Variants in MYO3B observed in about 807,000 individuals in gnomAD.
MYO3B encodes the protein myosin-IIIb.
Under a neutral mutation model 174.6 loss-of-function variants are expected in MYO3B, and 156 were observed. The observed-to-expected ratio is 0.89, with a 90% CI of 0.78 to 1.02. The LOEUF (loss-of-function observed/expected upper bound fraction) is 1.02. MYO3B is among the 50% of genes least tolerant of loss of function. MYO3B has a pLI of 0.00. For synonymous variants in MYO3B, 563 were observed against 569.1 expected, an observed-to-expected ratio of 0.99 and a Z score of 0.15; for missense variants, 1,632 against 1,639.4, an observed-to-expected ratio of 1.00 and a Z score of 0.08.
At chr2:170,304,848 C>T (rs1397337894) in intron 7 of MYO3B, among the ~76,000 whole-genome samples, 1 of 151,544 alleles carries the variant, frequency 6.6e-6, no homozygotes, top group Non-Finnish European at 1.5e-5. Context: ...TGTTATGTCA[C>T]AGGTATTTTT....
intron 30 of MYO3B, among the ~76,000 whole-genome samples, chr2:170,531,777 G>A (rs970404297): frequency 5.9e-5 from 9 of 151,988 alleles, no homozygotes; most frequent in African/African-American, 2.2e-4. Flanking sequence ...ATGAGTCCAT[G>A]TGGATGGATG....
At chr2:170,445,464 C>G (rs1041712298) in intron 23 of MYO3B, among the ~76,000 whole-genome samples, 1 of 152,082 alleles carries the variant, frequency 6.6e-6, no homozygotes, top group African/African-American at 2.4e-5. Context: ...GCCTCAGCCT[C>G]CTGAGTAGCT....
At chr2:170,590,105 A>G (rs749137984) in intron 32 of MYO3B, among the ~76,000 whole-genome samples, 13 of 152,236 alleles carry the variant, frequency 8.5e-5, no homozygotes, top group Admixed American at 2.0e-4. Flanking sequence ...CACAATAACA[A>G]AATCACCTAA....
At chr2:170,382,947 T>C (rs2094346308) in intron 10 of MYO3B, 126 bp from the exon 11 acceptor site, 1 of 657,538 alleles carries the variant, frequency 1.5e-6, no homozygotes, top group Non-Finnish European at 2.7e-6. Flanking sequence ...CATTGTATGA[T>C]TTAAATGGAC....
At chr2:170,409,221 G>T (rs115115073) in intron 22 of MYO3B, among the ~76,000 whole-genome samples, 2,155 of 152,288 alleles carry the variant, frequency 0.014, 70 homozygotes, top group African/African-American at 0.049. Flanking sequence ...CCATTTAACA[G>T]CCTGGACCAC....
intron 28 of MYO3B, among the ~76,000 whole-genome samples, chr2:170,504,032 C>T (rs1009092187): frequency 6.6e-6 from 1 of 152,162 alleles, no homozygotes; most frequent in African/African-American, 2.4e-5. Flanking sequence ...CTCATTCCGA[C>T]GTTTCTGTTT....
intron 32 of MYO3B, among the ~76,000 whole-genome samples, chr2:170,638,757 G>T (rs1195917286): frequency 6.6e-6 from 1 of 152,194 alleles, no homozygotes; most frequent in Non-Finnish European, 1.5e-5. Context: ...GCCAGAACAT[G>T]TGTAATTTGC....
chr2:170,329,503 C>A (rs1298651103), intron 7 of MYO3B, among the ~76,000 whole-genome samples: 1 of 151,338 alleles, frequency 6.6e-6, no homozygotes, highest in African/African-American at 2.4e-5. Context: ...GCCTCAGCTT[C>A]CCGAGTAGCT....
intron 5 of MYO3B, 108 bp downstream of exon 5, chr2:170,214,936 G>A: frequency 1.2e-6 from 1 of 815,570 alleles, no homozygotes. Context: ...CATAGGCTGA[G>A]GGACTTTTCC....
intron 32 of MYO3B, among the ~76,000 whole-genome samples, chr2:170,621,676 A>T (rs776967565): frequency 2.6e-4 from 40 of 151,332 alleles, no homozygotes; most frequent in Non-Finnish European, 4.7e-4. Flanking sequence ...GGCCCAGCTA[A>T]TTTTTTTGTA....
intron 28 of MYO3B, among the ~76,000 whole-genome samples, chr2:170,502,556 G>A (rs1687344685): frequency 6.6e-6 from 1 of 151,756 alleles, no homozygotes; most frequent in Admixed American, 6.6e-5. Flanking sequence ...CCCCTCTCTG[G>A]CTCTTCAGTC....
chr2:170,413,840 C>T (rs1246307005), intron 22 of MYO3B, among the ~76,000 whole-genome samples: 2 of 151,952 alleles, frequency 1.3e-5, no homozygotes, highest in African/African-American at 2.4e-5. Flanking sequence ...GAGATCAAGA[C>T]CATCCTAGCT....
At chr2:170,400,435 T>G (rs2094467713) in intron 17 of MYO3B, 121 bp downstream of exon 17, 1 of 1,208,326 alleles carries the variant, frequency 8.3e-7, no homozygotes, top group Admixed American at 2.4e-5. Context: ...AGATGGAGTC[T>G]CACTCTGTCA....
chr2:170,543,532 T>C (rs1690261805), intron 31 of MYO3B, among the ~76,000 whole-genome samples: 1 of 152,226 alleles, frequency 6.6e-6, no homozygotes, highest in South Asian at 2.1e-4. Flanking sequence ...AGCAGATTAA[T>C]ACCTTCCTAT....
At chr2:170,476,191 G>A (rs548180786) in intron 25 of MYO3B, among the ~76,000 whole-genome samples, 2 of 152,208 alleles carry the variant, frequency 1.3e-5, no homozygotes, top group Non-Finnish European at 2.9e-5. Flanking sequence ...TGGGACAAGC[G>A]CTGTGGGTTC....
chr2:170,631,796 G>A (rs960919570), intron 32 of MYO3B, among the ~76,000 whole-genome samples: 9 of 152,118 alleles, frequency 5.9e-5, no homozygotes, highest in Non-Finnish European at 1.3e-4. Flanking sequence ...ATAAAGGGAT[G>A]GAGGAAGATC....
chr2:170,499,951 TTTCCTTCC>T (rs1182916816), intron 27 of MYO3B, 143 bp downstream of exon 27: 4 of 646,088 alleles, frequency 6.2e-6, no homozygotes, highest in African/African-American at 1.9e-5. Context: ...TCCTTCCTTC[TTTCCTTCC>T]TTCCTTCCTT....
At chr2:170,505,862 C>T (rs1409233771) in intron 28 of MYO3B, among the ~76,000 whole-genome samples, 3 of 152,204 alleles carry the variant, frequency 2.0e-5, no homozygotes, top group Non-Finnish European at 2.9e-5. Flanking sequence ...GCACAGGAGT[C>T]GGAAGAGACG....
At chr2:170,573,166 T>C (rs1692552120) in intron 32 of MYO3B, among the ~76,000 whole-genome samples, 1 of 151,298 alleles carries the variant, frequency 6.6e-6, no homozygotes, top group African/African-American at 2.4e-5. Flanking sequence ...TATATATATA[T>C]ACACCTAGTA....
Sources: allele counts gnomAD v4.1 joint callset (sites outside exome capture counted in the v4.1 genomes callset), GRCh38; gene constraint gnomAD v4.1.1; transcripts MANE v1.5; gene names NCBI Gene and HGNC (gene_info 2026-07-23, HGNC 2026-07-21).